The following MINDY2 variants were observed in gnomAD, a reference collection of about 807,000 sequenced individuals.
MINDY2 encodes the protein MINDY lysine 48 deubiquitinase 2, also known as ubiquitin carboxyl-terminal hydrolase MINDY-2.
In MINDY2, 52 loss-of-function variants were observed where a neutral mutation model predicts 68.2. That is an observed-to-expected ratio of 0.76 (90% CI 0.61 to 0.96). The LOEUF (loss-of-function observed/expected upper bound fraction) is 0.96, where lower values mean the gene tolerates loss of function less well. Among genes scored for constraint, MINDY2 ranks in the 40% least tolerant of loss-of-function variants. MINDY2 has a pLI of 0.00. For missense variants in MINDY2, 881 were observed against 773.4 expected, an observed-to-expected ratio of 1.14 and a Z score of -1.65; for synonymous variants, 372 against 303.0, an observed-to-expected ratio of 1.23 and a Z score of -2.36.
At chr15:58,838,150 C>T (rs1485966758) in intron 6 of MINDY2, among the ~76,000 whole-genome samples, 2 of 151,924 alleles carry the variant, frequency 1.3e-5, no homozygotes, top group African/African-American at 2.4e-5. Flanking sequence ...GTAATCCCAG[C>T]ACTTTAGGAG....
chr15:58,808,333 T>C (rs2029964471), intron 3 of MINDY2, among the ~76,000 whole-genome samples: 1 of 152,314 alleles, frequency 6.6e-6, no homozygotes, highest in South Asian at 2.1e-4. Flanking sequence ...CAGAATAGTT[T>C]CACTGTCCTA....
chr15:58,812,367 G>A (rs977288386), intron 4 of MINDY2, among the ~76,000 whole-genome samples: 20 of 150,970 alleles, frequency 1.3e-4, no homozygotes, highest in South Asian at 4.2e-4. Context: ...AACCCGGGAG[G>A]TGGAGTTTGC....
At chr15:58,776,247 C>T (rs1900763059) in intron 1 of MINDY2, among the ~76,000 whole-genome samples, 2 of 152,092 alleles carry the variant, frequency 1.3e-5, no homozygotes, top group South Asian at 4.1e-4. Flanking sequence ...ACTTTTCTTC[C>T]ATCCCAATAT....
chr15:58,791,689 A>C (rs1017526074), intron 2 of MINDY2, among the ~76,000 whole-genome samples: 1 of 148,916 alleles, frequency 6.7e-6, no homozygotes, highest in Admixed American at 6.7e-5. Context: ...GTGACCAAGG[A>C]ACTGAATTTT....
At chr15:58,797,343 CA>C (rs1236827798) in intron 2 of MINDY2, among the ~76,000 whole-genome samples, 1 of 151,920 alleles carries the variant, frequency 6.6e-6, no homozygotes, top group African/African-American at 2.4e-5. Flanking sequence ...CCTATCTTTA[CA>C]AAAAATTTAA....
chr15:58,849,616 C>G (rs2032715069), intron 7 of MINDY2, among the ~76,000 whole-genome samples: 1 of 152,140 alleles, frequency 6.6e-6, no homozygotes, highest in Non-Finnish European at 1.5e-5. Flanking sequence ...GAGGTGGATT[C>G]AAGACCATGA....
chr15:58,836,237 CT>C (rs778968248), intron 6 of MINDY2, among the ~76,000 whole-genome samples: 5,265 of 140,062 alleles, frequency 0.038, 260 homozygotes, highest in African/African-American at 0.12. Context: ...AACTATAATT[CT>C]TTTTTTTTTT....
At chr15:58,799,146 G>C (rs1457107550) in intron 2 of MINDY2, among the ~76,000 whole-genome samples, 1 of 152,218 alleles carries the variant, frequency 6.6e-6, no homozygotes, top group East Asian at 1.9e-4. Flanking sequence ...TGAAGGCTCT[G>C]CCTCACCAAA....
chr15:58,795,736 T>C (rs1902241098), intron 2 of MINDY2, among the ~76,000 whole-genome samples: 2 of 152,090 alleles, frequency 1.3e-5, no homozygotes, highest in African/African-American at 4.8e-5. Flanking sequence ...TGTGGCCCTT[T>C]GAAGGCTATA....
At chr15:58,807,643 G>A (rs140814279) in intron 3 of MINDY2, among the ~76,000 whole-genome samples, 4,138 of 152,220 alleles carry the variant, frequency 0.027, 196 homozygotes, top group African/African-American at 0.092. Context: ...GATTACAGGC[G>A]TGAGCCATTG....
rs1466945885 is a variant in MINDY2, at chr15:58,859,467, A to G, written c.*4857A>G. ...AATCCCTTTTAGAAAGTGACTGAAA[A>G]TGGTAAAGGAACTCATCAGAATCTT... On this transcript the variant is annotated 3_prime_UTR_variant, in exon 9 of 9. Coordinates refer to ENST00000559228, the MANE Select transcript of MINDY2 (RefSeq NM_001040450.3). 1 of 152,164 alleles carries G rather than the reference A, an allele frequency of 6.6e-6. No homozygotes were observed. The highest frequency in any genetic ancestry group is 1.5e-5 in the Non-Finnish European group (1 of 68,016). 9.4% of individuals were successfully genotyped at this position (152,164 alleles called of 1,614,324 possible).
intron 6 of MINDY2, among the ~76,000 whole-genome samples, chr15:58,834,128 A>T (rs2031879743): frequency 6.6e-6 from 1 of 152,190 alleles, no homozygotes; most frequent in African/African-American, 2.4e-5. Context: ...TTTAACCCTT[A>T]GTTGACACAG....
intron 3 of MINDY2, among the ~76,000 whole-genome samples, chr15:58,807,781 G>T (rs1473207923): frequency 6.6e-6 from 1 of 152,108 alleles, no homozygotes; most frequent in Non-Finnish European, 1.5e-5. Flanking sequence ...CTGTCTCTTA[G>T]ACTTTATCTC....
chr15:58,851,186 G>A (rs1282984430), intron 7 of MINDY2, among the ~76,000 whole-genome samples: 1 of 150,130 alleles, frequency 6.7e-6, no homozygotes, highest in Non-Finnish European at 1.5e-5. Flanking sequence ...GTTGGCCAGG[G>A]TGGTCTCGAA....
At chr15:58,846,682 T>G (rs2032554564) in intron 6 of MINDY2, among the ~76,000 whole-genome samples, 1 of 151,908 alleles carries the variant, frequency 6.6e-6, no homozygotes, top group Admixed American at 6.6e-5. Context: ...AAAAAAAAAT[T>G]TGTATGCACG....
intron 5 of MINDY2, among the ~76,000 whole-genome samples, chr15:58,825,095 T>A (rs1261471555): frequency 1.3e-5 from 2 of 152,260 alleles, no homozygotes; most frequent in African/African-American, 4.8e-5. Flanking sequence ...TTGTTTCTAA[T>A]CTTTATTAAA....
Position 58,772,205 on chromosome 15 carries a change from C to A in MINDY2, c.810C>A (p.Ala270=). Residue 270 remains alanine (A), a synonymous_variant, in exon 1 of 9, where the codon GCC becomes GCA. Coordinates refer to ENST00000559228, the MANE Select transcript of MINDY2 (RefSeq NM_001040450.3). ...AGAACGGACCCTGCCCCTTGCTGGC[C>A]ATCCTCAATGTTTTGCTCCTGGCCT... ...QNENGPCPLL[A]ILNVLLLAWK... 3.1e-6 allele frequency: 5 copies of A among 1,612,948 alleles called. No homozygotes were observed. The highest frequency in any genetic ancestry group is 4.2e-6 in the Non-Finnish European group (5 of 1,180,024).
chr15:58,789,572 C>T (rs1901746005), intron 2 of MINDY2, among the ~76,000 whole-genome samples: 1 of 151,974 alleles, frequency 6.6e-6, no homozygotes, highest in Non-Finnish European at 1.5e-5. Context: ...ATCCTCCCAC[C>T]TCAGCCTCCC....
chr15:58,796,637 C>T (rs1057137965), intron 2 of MINDY2, among the ~76,000 whole-genome samples: 1 of 152,198 alleles, frequency 6.6e-6, no homozygotes, highest in African/African-American at 2.4e-5. Flanking sequence ...AATTCTCTTG[C>T]CTCAGCCTCC....
Sources: gnomAD v4.1 joint callset for allele counts (sites outside exome capture counted in the v4.1 genomes callset) on GRCh38, gnomAD v4.1.1 for gene constraint, MANE v1.5 for transcripts, NCBI Gene and HGNC (gene_info 2026-07-23, HGNC 2026-07-21) for gene names.